SH3BGR: variants seen among roughly 807,000 people sequenced by gnomAD.
The protein encoded by SH3BGR is SH3 domain binding glutamate rich protein, also known as SH3 domain-binding glutamic acid-rich protein.
SH3BGR carries 29 observed loss-of-function variants against 24.5 expected under a neutral mutation model. That is an observed-to-expected ratio of 1.18 (90% CI 0.88 to 1.61). SH3BGR has a LOEUF of 1.61. SH3BGR is among the 40% of genes most tolerant of loss of function. SH3BGR has a pLI of 0.00. For synonymous variants in SH3BGR, 55 were observed against 65.7 expected (o/e 0.84, Z 0.79); for missense variants, 162 against 205.8 (o/e 0.79, Z 1.30).
chr21:39,457,006 A>G (rs1004353930), intron 1 of SH3BGR, among the ~76,000 whole-genome samples: 69 of 149,692 alleles, frequency 4.6e-4, no homozygotes, highest in African/African-American at 1.5e-3. Context: ...ACTTATTTAT[A>G]TAAAATTTTA....
intron 6 of SH3BGR, among the ~76,000 whole-genome samples, chr21:39,513,572 T>G (rs2078734030): frequency 6.6e-6 from 1 of 152,162 alleles, no homozygotes; most frequent in African/African-American, 2.4e-5. Flanking sequence ...TAGCCCACGA[T>G]TTGATGTCTC....
intron 2 of SH3BGR, among the ~76,000 whole-genome samples, chr21:39,469,629 T>C (rs892379891): frequency 8.1e-4 from 91 of 111,860 alleles, no homozygotes; most frequent in African/African-American, 2.4e-3. Flanking sequence ...TGCAGTATTT[T>C]CTTTTTTTTA....
intron 3 of SH3BGR, chr21:39,491,761 C>A: frequency 4.6e-6 from 1 of 219,636 alleles, no homozygotes; most frequent in South Asian, 7.9e-5. Context: ...CTGCTGTGGC[C>A]TCCACTTTGT....
chr21:39,503,776 T>C (rs1255247441), intron 4 of SH3BGR, among the ~76,000 whole-genome samples: 1 of 152,204 alleles, frequency 6.6e-6, no homozygotes. Context: ...GATGCCAAGA[T>C]GTAAATTCTG....
At chr21:39,460,079 A>G (rs1024016989) in intron 1 of SH3BGR, among the ~76,000 whole-genome samples, 1 of 152,216 alleles carries the variant, frequency 6.6e-6, no homozygotes, top group Non-Finnish European at 1.5e-5. Context: ...AGAAATGGCT[A>G]CTGGCAGATA....
chr21:39,494,481 G>A (rs80135615), intron 3 of SH3BGR, among the ~76,000 whole-genome samples: 2,093 of 151,886 alleles, frequency 0.014, 45 homozygotes, highest in African/African-American at 0.047. Context: ...ATATTTCACC[G>A]GATATAAGAT....
upstream of SH3BGR, among the ~76,000 whole-genome samples, chr21:39,447,285 T>G (rs9979083): frequency 0.9 from 136,723 of 152,118 alleles, 61,494 homozygotes; most frequent in African/African-American, 0.91. Flanking sequence ...CTGGAGCTCA[T>G]GACTGGAGGA....
At chr21:39,456,023 C>T (rs1602066120) in intron 1 of SH3BGR, among the ~76,000 whole-genome samples, 1 of 152,148 alleles carries the variant, frequency 6.6e-6, no homozygotes, top group East Asian at 1.9e-4. Context: ...CCCATTGTCT[C>T]CATCTCTTTT....
At chr21:39,460,537 A>G (rs1216035398) in intron 1 of SH3BGR, among the ~76,000 whole-genome samples, 2 of 152,092 alleles carry the variant, frequency 1.3e-5, no homozygotes, top group East Asian at 3.9e-4. Context: ...GCTGGAGTGC[A>G]GGGCTTACTG....
chr21:39,512,183 A>G (rs1438572368), intron 6 of SH3BGR, among the ~76,000 whole-genome samples: 1 of 152,084 alleles, frequency 6.6e-6, no homozygotes, highest in African/African-American at 2.4e-5. Context: ...TGTAACCTCA[A>G]CTCCTCCACC....
At chr21:39,473,030 A>T (rs1429465635) in intron 2 of SH3BGR, among the ~76,000 whole-genome samples, 2 of 151,908 alleles carry the variant, frequency 1.3e-5, no homozygotes, top group East Asian at 1.9e-4. Context: ...TGGGTTAAAA[A>T]TTTTCTTTGA....
intron 2 of SH3BGR, among the ~76,000 whole-genome samples, chr21:39,464,442 C>A (rs547933367): frequency 1.3e-5 from 2 of 152,136 alleles, no homozygotes; most frequent in Non-Finnish European, 2.9e-5. Context: ...GGGCTGGTCT[C>A]GAACTCCTGA....
chr21:39,498,430 C>T (rs952608021), intron 3 of SH3BGR, among the ~76,000 whole-genome samples: 1 of 152,170 alleles, frequency 6.6e-6, no homozygotes, highest in Non-Finnish European at 1.5e-5. Flanking sequence ...CCCTAACTCA[C>T]AATGTGACAT....
upstream of SH3BGR, among the ~76,000 whole-genome samples, chr21:39,447,506 C>T (rs151323080): frequency 1.6e-3 from 232 of 146,622 alleles, no homozygotes; most frequent in African/African-American, 5.7e-3. Context: ...ACCTCCGCTT[C>T]CTGGGTTCAG....
intron 3 of SH3BGR, among the ~76,000 whole-genome samples, chr21:39,486,777 C>G (rs1462035185): frequency 1.3e-5 from 2 of 152,104 alleles, no homozygotes; most frequent in Admixed American, 6.5e-5. Flanking sequence ...AGTGCAGTAG[C>G]ACAATCTTGG....
chr21:39,454,088 G>A (rs1230957485), intron 1 of SH3BGR, among the ~76,000 whole-genome samples: 3 of 152,164 alleles, frequency 2.0e-5, no homozygotes, highest in South Asian at 2.1e-4. Context: ...CCACATACAT[G>A]AGAGAATTTC....
chr21:39,483,394 A>G (rs1188421094), intron 3 of SH3BGR, among the ~76,000 whole-genome samples: 1 of 152,210 alleles, frequency 6.6e-6, no homozygotes, highest in Non-Finnish European at 1.5e-5. Context: ...GGGACATCCC[A>G]CTTCCTAGAC....
Position 39,466,625 on chromosome 21 carries a change from CA to C in SH3BGR, c.231+4066del, listed in dbSNP as rs969873438. 7.4e-4 allele frequency among the ~76,000 whole-genome samples: 112 copies of C among 152,310 alleles called. 1 individual carries two copies. The highest frequency in any genetic ancestry group is 2.5e-3 in the African/African-American group (106 of 41,578). On this transcript the variant is annotated intron_variant, in intron 2 of 6. Coordinates refer to ENST00000333634, the MANE Select transcript of SH3BGR (RefSeq NM_007341.3). ...TGGGAAGGAAGCATGCCCTTCTTCA[CA>C]TGACCACAGCAGAGAGAAGTGCAGA... is the stretch of plus-strand genomic sequence containing the variant.
chr21:39,446,779 A>G (rs1403826655), intron 1 of SH3BGR, among the ~76,000 whole-genome samples: 1 of 152,080 alleles, frequency 6.6e-6, no homozygotes, highest in African/African-American at 2.4e-5. Context: ...GATGCTTGAA[A>G]ACTTGGCTTG....
Sources: allele counts gnomAD v4.1 joint callset (sites outside exome capture counted in the v4.1 genomes callset), GRCh38; gene constraint gnomAD v4.1.1; transcripts MANE v1.5; gene names NCBI Gene and HGNC (gene_info 2026-07-23, HGNC 2026-07-21).